HPCAL1: variants seen among roughly 807,000 people sequenced by gnomAD.
HPCAL1 encodes the protein hippocalcin like 1.
Under a neutral mutation model 17.1 loss-of-function variants are expected in HPCAL1, and 8 were observed. The observed-to-expected ratio is 0.47, with a 90% CI of 0.27 to 0.84. The LOEUF (loss-of-function observed/expected upper bound fraction) is 0.84. Among genes scored for constraint, HPCAL1 ranks in the 40% least tolerant of loss-of-function variants. HPCAL1 has a pLI of 0.13. For missense variants in HPCAL1, 165 were observed against 271.1 expected (o/e 0.61, Z 2.75); for synonymous variants, 112 against 111.4 (o/e 1.01, Z -0.03).
rs186561195 is a variant in HPCAL1 at position 10,339,793 on chromosome 2, C to A, written c.-111+36616C>A. ...AGATTCGGAGATAGCTCGCCATGTT[C>A]ATGCCCGGCAGGACGTAGCAACAGG... On this transcript the variant is annotated intron_variant, in intron 1 of 4. Transcript: ENST00000307845. 1.8e-3 allele frequency among the ~76,000 whole-genome samples: 281 copies of A among 152,354 alleles called. 2 individuals carry two copies. Among genetic ancestry groups the A allele is most frequent in the Admixed American group, 0.016 (241 of 15,312 alleles).
chr2:10,352,301 T>G (rs1665892007), intron 1 of HPCAL1, among the ~76,000 whole-genome samples: 1 of 152,166 alleles, frequency 6.6e-6, no homozygotes, highest in Non-Finnish European at 1.5e-5. Context: ...TGAGGGAGGT[T>G]CTTGCTTTCC....
In HPCAL1 at chr2:10,362,171, C is replaced by T. The variant is rs1666562635; in HGVS notation, c.-110-34664C>T. ...GAGCTGGTTCACTTGACTCTGCTGC[C>T]ATTGCATCCAGTTTGCTCTGCCAGC... On this transcript the variant is annotated intron_variant, in intron 1 of 4. Coordinates refer to ENST00000307845, the MANE Select transcript of HPCAL1 (RefSeq NM_002149.4). This position sits in a 1 kb window ranked among gnomAD's most constrained non-coding sequence, Gnocchi z 5.0. Among the ~76,000 whole-genome samples, 1 of 152,208 alleles carries T rather than the reference C, an allele frequency of 6.6e-6. No individual in the cohort carries two copies. The highest frequency in any genetic ancestry group is 1.5e-5 in the Non-Finnish European group (1 of 68,034).
intron 1 of HPCAL1, among the ~76,000 whole-genome samples, chr2:10,378,234 T>C (rs1327007881): frequency 6.7e-6 from 1 of 150,186 alleles, no homozygotes; most frequent in Non-Finnish European, 1.5e-5. Context: ...TTTTTTTTTT[T>C]TTTTTTTTTT....
chr2:10,357,970 G>A (rs1297265413), intron 1 of HPCAL1, among the ~76,000 whole-genome samples: 3 of 152,358 alleles, frequency 2.0e-5, no homozygotes, highest in South Asian at 2.1e-4. Context: ...ACCTTGAGCC[G>A]GCACCAGCCC....
At position 10,331,577 on chromosome 2, in the gene HPCAL1, T is replaced by C. The variant is rs891087819; in HGVS notation, c.-111+28400T>C. On this transcript the variant is annotated intron_variant, in intron 1 of 4. Transcript: ENST00000307845. This position sits in a 1 kb window ranked among gnomAD's most constrained non-coding sequence, Gnocchi z 5.0. Reference sequence around the variant, plus strand: ...GCCAAGCGCTGGCTGGTGGTGGAGCTGCGCTGAAGTCAGTGTGTGCTTTGG... The same window carrying C: ...GCCAAGCGCTGGCTGGTGGTGGAGCCGCGCTGAAGTCAGTGTGTGCTTTGG... Among the ~76,000 whole-genome samples the C allele has an allele frequency of 6.6e-6, 1 of 152,210 alleles. No individual in the cohort carries two copies. The highest frequency in any genetic ancestry group is 1.5e-5 in the Non-Finnish European group (1 of 68,028).
chr2:10,338,119 G>A (rs896086879), intron 1 of HPCAL1, among the ~76,000 whole-genome samples: 3 of 152,090 alleles, frequency 2.0e-5, no homozygotes, highest in East Asian at 3.9e-4. Flanking sequence ...GTACATGAGC[G>A]GTGCAGAATA....
chr2:10,314,137 G>GAA (rs746560522), intron 1 of HPCAL1, among the ~76,000 whole-genome samples: 2 of 128,964 alleles, frequency 1.6e-5, no homozygotes, highest in Non-Finnish European at 3.3e-5. Context: ...CCGTCTCAGG[G>GAA]AAAAAAAAAA....
intron 1 of HPCAL1, among the ~76,000 whole-genome samples, chr2:10,357,152 GA>G (rs1472325615): frequency 1.3e-5 from 2 of 152,118 alleles, no homozygotes; most frequent in African/African-American, 4.8e-5. Context: ...CTTGACGTAG[GA>G]GCCTTCCGTT....
intron 1 of HPCAL1, among the ~76,000 whole-genome samples, chr2:10,327,270 A>G (rs771269478): frequency 6.6e-4 from 101 of 152,310 alleles, no homozygotes; most frequent in Admixed American, 1.5e-3. Flanking sequence ...ATTTCAAAAC[A>G]TGCATTTTGT....
intron 2 of HPCAL1, among the ~76,000 whole-genome samples, chr2:10,410,821 C>T (rs1242709490): frequency 2.6e-5 from 4 of 152,078 alleles, no homozygotes; most frequent in Non-Finnish European, 5.9e-5. Context: ...TCTGTCTCTG[C>T]AGAAAGGCTT....
chr2:10,358,545 G>T (rs1455263004), intron 1 of HPCAL1, among the ~76,000 whole-genome samples: 6 of 152,204 alleles, frequency 3.9e-5, no homozygotes, highest in Admixed American at 2.6e-4. Context: ...AGCCTAGCAG[G>T]CACACACAGA....
At chr2:10,319,486 A>C (rs574400807) in intron 1 of HPCAL1, among the ~76,000 whole-genome samples, 4 of 151,438 alleles carry the variant, frequency 2.6e-5, no homozygotes, top group African/African-American at 9.7e-5. Context: ...GCATGGCTCA[A>C]ATCAGAGCAT....
In HPCAL1 at chr2:10,365,442, G is replaced by C. The variant is rs1267106090; in HGVS notation, c.-110-31393G>C. Among the ~76,000 whole-genome samples the C allele has an allele frequency of 6.6e-6, 1 of 152,224 alleles. No individual in the cohort carries two copies. Among genetic ancestry groups the C allele is most frequent in the African/African-American group, 2.4e-5 (1 of 41,458 alleles). On this transcript the variant is annotated intron_variant, in intron 1 of 4. Transcript: ENST00000307845. The surrounding 1 kb of genome is among the most constrained non-coding windows in gnomAD (Gnocchi z 4.8). ...TATTTGAACGGACAGCCCGGAGTCT[G>C]TGCAGGAGTTGGAGGTAGAGCGGGT... is the stretch of plus-strand genomic sequence containing the variant.
At chr2:10,403,507 G>A (rs939694085) in intron 2 of HPCAL1, among the ~76,000 whole-genome samples, 15 of 142,500 alleles carry the variant, frequency 1.1e-4, no homozygotes, top group Non-Finnish European at 2.1e-4. Flanking sequence ...TGTGTGTGAC[G>A]GAGTCTTGCT....
rs1008849168 is a variant in HPCAL1, at chr2:10,343,883, G to A, written c.-111+40706G>A. Among the ~76,000 whole-genome samples the A allele has an allele frequency of 2.0e-5, 3 of 152,168 alleles. No individual in the cohort carries two copies. The highest frequency in any genetic ancestry group is 6.5e-5 in the Admixed American group (1 of 15,268). On this transcript the variant is annotated intron_variant, in intron 1 of 4. Coordinates refer to ENST00000307845, the MANE Select transcript of HPCAL1 (RefSeq NM_002149.4). This position sits in a 1 kb window ranked among gnomAD's most constrained non-coding sequence, Gnocchi z 4.8. ...ATGAACACATGGCCCATGGCTGTGC[G>A]CTTCCCAAGCAAGCAGTTCTGGAGT...
In HPCAL1 at chr2:10,370,702, G is replaced by A. The variant is rs972377544; in HGVS notation, c.-110-26133G>A. On this transcript the variant is annotated intron_variant, in intron 1 of 4. Coordinates refer to ENST00000307845, the MANE Select transcript of HPCAL1 (RefSeq NM_002149.4). ...GGGCACAGGAGTCTGCCAGGGGTGT[G>A]TTTTGGAGCCACCCATACAGGTGTA... Among the ~76,000 whole-genome samples the A allele has an allele frequency of 1.1e-4, 17 of 152,360 alleles. No homozygotes were observed. In the East Asian group the frequency reaches 3.3e-3, roughly 29 times the overall value.
At chr2:10,351,085 G>T (rs1175847868) in intron 1 of HPCAL1, among the ~76,000 whole-genome samples, 1 of 152,168 alleles carries the variant, frequency 6.6e-6, no homozygotes, top group African/African-American at 2.4e-5. Flanking sequence ...GAATGAAAGA[G>T]AAATGAAAAC....
In HPCAL1 at chr2:10,330,329, A is replaced by AG. The variant is rs1285370904; in HGVS notation, c.-111+27154dup. On this transcript the variant is annotated intron_variant, in intron 1 of 4. Coordinates refer to ENST00000307845, the MANE Select transcript of HPCAL1 (RefSeq NM_002149.4). This position sits in a 1 kb window ranked among gnomAD's most constrained non-coding sequence, Gnocchi z 4.2. ...ATGCTTATTCTTATTTAGTCCTCAT[A>AG]GGAGAGTGGCGAAGGGCAGCAGCTT... The AG allele has an allele frequency of 6.6e-6, 1 of 152,196 alleles. No individual in the cohort carries two copies. The highest frequency in any genetic ancestry group is 1.9e-4 in the East Asian group (1 of 5,190). 9.4% of individuals were successfully genotyped at this position (152,196 alleles called of 1,614,324 possible).
In HPCAL1 at chr2:10,419,893, G is replaced by A. The variant is rs756679860; in HGVS notation, c.136G>A (p.Asp46Asn). The change falls in exon 3 of 5, where the codon GAC becomes AAC. Residue 46 changes from aspartate to asparagine, a missense_variant. Asp to Asn is a conservative substitution (Grantham distance 23). Transcript: ENST00000307845. The surrounding 1 kb of genome is among the most constrained non-coding windows in gnomAD (Gnocchi z 5.0). ...CTGCCCCACCGGCCACCTGACCGTG[G>A]ACGAGTTCAAGAAGATCTACGCCAA... Reference protein sequence around the residue: ...KDCPTGHLTVDEFKKIYANFF... With the variant: ...KDCPTGHLTVNEFKKIYANFF... 8.1e-6 allele frequency: 13 copies of A among 1,613,904 alleles called. No homozygotes were observed. Among genetic ancestry groups the A allele is most frequent in the Non-Finnish European group, 1.1e-5 (13 of 1,180,026 alleles).
Sources: allele counts gnomAD v4.1 joint callset (sites outside exome capture counted in the v4.1 genomes callset), GRCh38; gene constraint gnomAD v4.1.1; non-coding constraint Gnocchi (gnomAD v3.1); transcripts MANE v1.5; gene names NCBI Gene and HGNC (gene_info 2026-07-23, HGNC 2026-07-21).